Variants in HSPA9 observed in about 807,000 individuals in gnomAD.
The protein encoded by HSPA9 is heat shock protein family A (Hsp70) member 9, also known as stress-70 protein, mitochondrial.
A neutral mutation model predicts 81.5 loss-of-function variants in HSPA9; 28 were observed. The observed-to-expected ratio is 0.34, with a 90% CI of 0.25 to 0.47. HSPA9 has a LOEUF of 0.47. HSPA9 is among the 20% of genes least tolerant of loss of function. HSPA9 has a pLI of 1.00. For synonymous variants in HSPA9, 293 were observed against 290.4 expected (o/e 1.01, Z -0.09); for missense variants, 678 against 838.0 (o/e 0.81, Z 2.36).
chr5:138,567,558 T>A lies in HSPA9; in HGVS notation c.613A>T (p.Thr205Ser), dbSNP rs1304705921. Residue 205 changes from threonine to serine, a missense_variant, in exon 7 of 17, where the codon ACT becomes TCT. Coordinates refer to ENST00000297185, the MANE Select transcript of HSPA9 (RefSeq NM_004134.7). ...CCAGATATCTGGCCAGCATCTTTAG[T>A]GGCCTAGAGAAAACAAAGAGAAAAA... is the stretch of plus-strand genomic sequence containing the variant. ...AYFNDSQRQA[T>S]KDAGQISGLN... is the part of the protein sequence containing the mutation. 1 of 1,613,586 alleles carries A rather than the reference T, an allele frequency of 6.2e-7. No homozygotes were observed. The highest frequency in any genetic ancestry group is 1.3e-5 in the African/African-American group (1 of 74,932).
intron 4 of HSPA9, among the ~76,000 whole-genome samples, chr5:138,569,980 G>A (rs775030968): frequency 4.4e-4 from 67 of 151,104 alleles, no homozygotes; most frequent in African/African-American, 1.5e-3. Context: ...TGGAACCTCC[G>A]CCCCTCAACG....
rs1332813177 is a variant in HSPA9 at position 138,574,903 on chromosome 5, GA to G, written c.81+334del. The G allele has an allele frequency of 1.2e-5, 5 of 411,452 alleles. No homozygotes were observed. In the Admixed American group the frequency reaches 2.1e-4, roughly 17 times the overall value. The allele number at this position is 411,452 out of a possible 1,614,324, so 25.5% of individuals were successfully genotyped here. A position where few individuals can be genotyped will look rare whatever the true frequency, so the allele number is the denominator to read the frequency against. ...CTGTAGAGGAGCCAAAAATAAAACT[GA>G]AAATAGTGGCTTTCCCAATAGACTG... is the stretch of plus-strand genomic sequence containing the variant. On this transcript the variant is annotated intron_variant, in intron 1 of 16. Coordinates refer to ENST00000297185, the MANE Select transcript of HSPA9 (RefSeq NM_004134.7).
Position 138,554,111 on chromosome 5 carries a change from A to G in HSPA9, c.*1926T>C, listed in dbSNP as rs1273664400. On this transcript the variant is annotated 3_prime_UTR_variant, in exon 17 of 17. Transcript: ENST00000297185. ...GATATATATCCTATTGGCTGTAGGAAATCTCCATATACCTTCTTGCTATTT... is the reference window on the plus strand; with the variant it reads ...GATATATATCCTATTGGCTGTAGGAGATCTCCATATACCTTCTTGCTATTT... Among the ~76,000 whole-genome samples, 5 of 152,278 alleles carry G rather than the reference A, an allele frequency of 3.3e-5. No homozygotes were observed. In the East Asian group the frequency reaches 9.7e-4, roughly 29 times the overall value.
At position 138,574,077 on chromosome 5, in the gene HSPA9, C is replaced by T. The variant is rs747002249; in HGVS notation, c.131G>A (p.Arg44Gln). The change falls in exon 2 of 17, where the codon CGG (arginine) becomes CAG (glutamine). Residue 44 changes from arginine (R) to glutamine (Q), a missense_variant. Physicochemically the swap from Arg to Gln is conservative, Grantham distance 43. Around this residue, in one of 4 missense-constraint regions of HSPA9, gnomAD observed 89 missense variants for 70.4 expected, o/e 1.27. Transcript: ENST00000297185. The part of the protein sequence containing the change: ...SHEAFRLVSR[R>Q]DYASEAIKGA... ...ATGATATTATACTTACGCATAATCC[C>T]GCCTTGAAACAAGTCTAAAAGCCTC... The T allele has an allele frequency of 1.9e-6, 3 of 1,613,100 alleles. No individual in the cohort carries two copies. Among genetic ancestry groups the T allele is most frequent in the African/African-American group, 1.3e-5 (1 of 74,876 alleles).
At chr5:138,570,853 A>C (rs1446167623) in intron 4 of HSPA9, 107 bp downstream of exon 4, 2 of 1,007,220 alleles carry the variant, frequency 2.0e-6, no homozygotes, top group African/African-American at 3.2e-5. Flanking sequence ...CAATAAGTAA[A>C]ATTACTAAAG....
At chr5:138,559,790 A>AT in intron 11 of HSPA9, 74 bp downstream of exon 11, 1 of 997,252 alleles carries the variant, frequency 1.0e-6, no homozygotes, top group Non-Finnish European at 1.6e-6. Context: ...GAAAAAACTC[A>AT]TGAAAGTGGC....
At chr5:138,566,145 G>A (rs902300123) in intron 9 of HSPA9, among the ~76,000 whole-genome samples, 5 of 132,168 alleles carry the variant, frequency 3.8e-5, no homozygotes, top group African/African-American at 5.8e-5. Context: ...CCAAGATCAC[G>A]CCATTGCACT....
intron 4 of HSPA9, among the ~76,000 whole-genome samples, chr5:138,570,140 C>T (rs1227389808): frequency 6.6e-6 from 1 of 151,930 alleles, no homozygotes; most frequent in African/African-American, 2.4e-5. Flanking sequence ...GTTAGGATTA[C>T]AGGTGTGAGT....
chr5:138,568,348 A>T (rs1484034037), intron 5 of HSPA9, among the ~76,000 whole-genome samples: 1 of 151,726 alleles, frequency 6.6e-6, no homozygotes, highest in African/African-American at 2.4e-5. Flanking sequence ...CTAAAAACAC[A>T]AAAGTGGCTA....
intron 9 of HSPA9, among the ~76,000 whole-genome samples, chr5:138,563,109 T>C (rs554808478): frequency 2.0e-5 from 3 of 152,320 alleles, no homozygotes; most frequent in South Asian, 2.1e-4. Context: ...CTAAATATTA[T>C]TGACAATTTC....
At chr5:138,563,990 C>T (rs1195117441) in intron 9 of HSPA9, among the ~76,000 whole-genome samples, 1 of 152,236 alleles carries the variant, frequency 6.6e-6, no homozygotes, top group Non-Finnish European at 1.5e-5. Flanking sequence ...TTACTCTTAA[C>T]CCATTACACA....
chr5:138,558,301 C>T (rs557305230), intron 12 of HSPA9, among the ~76,000 whole-genome samples: 13 of 151,398 alleles, frequency 8.6e-5, no homozygotes, highest in African/African-American at 2.9e-4. Context: ...GATCAGAAAC[C>T]AGTAACAATA....
At chr5:138,575,068 G>T in intron 1 of HSPA9, 170 bp downstream of exon 1, 1 of 619,402 alleles carries the variant, frequency 1.6e-6, no homozygotes, top group Non-Finnish European at 2.9e-6. Flanking sequence ...GCAAAACCTT[G>T]GGCAAAATCT....
At position 138,554,656 on chromosome 5, in the gene HSPA9, T is replaced by C. The variant is rs1750482118; in HGVS notation, c.*1381A>G. ...TACAAAACATTATAAAAGGAGCCAT[T>C]GTGTCTGATATTCTAAGCCCATCTT... On this transcript the variant is annotated 3_prime_UTR_variant, in exon 17 of 17. Coordinates refer to ENST00000297185, the MANE Select transcript of HSPA9 (RefSeq NM_004134.7). Among the ~76,000 whole-genome samples the C allele has an allele frequency of 1.3e-5, 2 of 152,258 alleles. No homozygotes were observed.
In HSPA9 at chr5:138,559,905, G is replaced by A; in HGVS notation, c.1369C>T (p.Leu457Phe). Residue 457 changes from leucine (L) to phenylalanine (F), a missense_variant, in exon 11 of 17, where the codon CTT becomes TTT. Transcript: ENST00000297185. ...IETLGGVFTK[L>F]INRNTTIPTK... ...GGAATAGTGGTATTCCTATTAATAA[G>A]TTTGGTAAAGACACCTCCTAGAGTT... 6.2e-7 allele frequency: 1 copy of A among 1,613,946 alleles called. No homozygotes were observed. Among genetic ancestry groups the A allele is most frequent in the Non-Finnish European group, 8.5e-7 (1 of 1,179,866 alleles).
chr5:138,554,123 C>G lies in HSPA9; in HGVS notation c.*1914G>C, dbSNP rs1368446168. Among the ~76,000 whole-genome samples, 1 of 152,116 alleles carries G rather than the reference C, an allele frequency of 6.6e-6. No individual in the cohort carries two copies. The highest frequency in any genetic ancestry group is 1.5e-5 in the Non-Finnish European group (1 of 68,030). The stretch of plus-strand genomic sequence containing the variant: ...ATTGGCTGTAGGAAATCTCCATATA[C>G]CTTCTTGCTATTTATGCTATTAGCT... On this transcript the variant is annotated 3_prime_UTR_variant, in exon 17 of 17. Coordinates refer to ENST00000297185, the MANE Select transcript of HSPA9 (RefSeq NM_004134.7).
intron 9 of HSPA9, among the ~76,000 whole-genome samples, chr5:138,562,373 C>T (rs150905618): frequency 6.6e-6 from 1 of 151,108 alleles, no homozygotes. Flanking sequence ...CATGGTGAAA[C>T]CCCGTCTCTA....
At chr5:138,571,824 G>GTGTGTGTA (rs914985561) in intron 3 of HSPA9, among the ~76,000 whole-genome samples, 1 of 150,572 alleles carries the variant, frequency 6.6e-6, no homozygotes, top group Non-Finnish European at 1.5e-5. Context: ...GTGTGTGTGT[G>GTGTGTGTA]TGTGTGTGTG....
rs530463397 is a variant in HSPA9, at chr5:138,562,735, C to G, written c.973-946G>C. 1.1e-3 allele frequency among the ~76,000 whole-genome samples: 161 copies of G among 152,238 alleles called. 1 individual carries two copies. Among genetic ancestry groups the G allele is most frequent in the African/African-American group, 3.4e-3 (140 of 41,558 alleles). On this transcript the variant is annotated intron_variant, in intron 9 of 16. Coordinates refer to ENST00000297185, the MANE Select transcript of HSPA9 (RefSeq NM_004134.7). ...CCACACTACTGATGTTTTCCTTCACCAAGTTTTAAAAATATCCCATGTAGG... is the reference window on the plus strand; with the variant it reads ...CCACACTACTGATGTTTTCCTTCACGAAGTTTTAAAAATATCCCATGTAGG...
Sources: gnomAD v4.1 joint callset for allele counts (sites outside exome capture counted in the v4.1 genomes callset) on GRCh38, gnomAD v4.1.1 for gene constraint, gnomAD v4.1.1 regional missense constraint, MANE v1.5 for transcripts, NCBI Gene and HGNC (gene_info 2026-07-23, HGNC 2026-07-21) for gene names.